MEI4: variants seen among roughly 807,000 people sequenced by gnomAD.
MEI4 encodes the protein meiotic double-stranded break formation protein 4, also known as meiosis-specific protein MEI4.
Under a neutral mutation model 31.4 loss-of-function variants are expected in MEI4, and 27 were observed. The observed-to-expected ratio is 0.86, with a 90% CI of 0.63 to 1.19. The LOEUF (loss-of-function observed/expected upper bound fraction) is 1.19, where lower values mean the gene tolerates loss of function less well. Ranked by LOEUF, MEI4 falls within the 50% of genes most tolerant of loss-of-function variation. MEI4 has a pLI of 0.00. For missense variants in MEI4, 329 were observed against 398.9 expected, an observed-to-expected ratio of 0.82 and a Z score of 1.49; for synonymous variants, 122 against 145.4, an observed-to-expected ratio of 0.84 and a Z score of 1.16.
chr6:77,923,613 C>T lies in MEI4; in HGVS notation c.*267C>T, dbSNP rs1012166616. ...TTATTTCACTCAATATAGTTTAGCT[C>T]TATTATTCTGTAAAATGGACCATTA... On this transcript the variant is annotated 3_prime_UTR_variant, in exon 5 of 5. Coordinates refer to ENST00000684080, the MANE Select transcript of MEI4 (RefSeq NM_001322247.2). The T allele has an allele frequency of 8.9e-6, 2 of 225,104 alleles. No individual in the cohort carries two copies. Among genetic ancestry groups the T allele is most frequent in the African/African-American group, 4.5e-5 (2 of 44,364 alleles). 13.9% of individuals were successfully genotyped at this position (225,104 alleles called of 1,614,324 possible). A position where few individuals can be genotyped will look rare whatever the true frequency, so the allele number is the denominator to read the frequency against.
At chr6:77,856,514 T>G (rs533565221) in intron 4 of MEI4, among the ~76,000 whole-genome samples, 6 of 151,304 alleles carry the variant, frequency 4.0e-5, no homozygotes, top group Non-Finnish European at 8.8e-5. Flanking sequence ...AATTGAGAAA[T>G]GAAGAAGGAA....
At chr6:77,777,748 C>T (rs1033521937) in intron 3 of MEI4, among the ~76,000 whole-genome samples, 1 of 152,104 alleles carries the variant, frequency 6.6e-6, no homozygotes, top group East Asian at 1.9e-4. Context: ...ATCCTGATGA[C>T]AACATGGGGG....
At chr6:77,682,025 G>T (rs1047108564) in intron 1 of MEI4, among the ~76,000 whole-genome samples, 1 of 152,120 alleles carries the variant, frequency 6.6e-6, no homozygotes, top group Non-Finnish European at 1.5e-5. Flanking sequence ...TTTGTCAGAC[G>T]GATCTAATCC....
chr6:77,796,192 C>T (rs1353695702), intron 3 of MEI4, among the ~76,000 whole-genome samples: 1 of 152,074 alleles, frequency 6.6e-6, no homozygotes, highest in Non-Finnish European at 1.5e-5. Context: ...GATACCATCT[C>T]TCAACAAATT....
chr6:77,804,108 G>A (rs191770383), intron 3 of MEI4, among the ~76,000 whole-genome samples: 7 of 152,292 alleles, frequency 4.6e-5, no homozygotes, highest in South Asian at 2.1e-4. Context: ...CTTGAGGTGC[G>A]GTGGGCTCCA....
intron 4 of MEI4, among the ~76,000 whole-genome samples, chr6:77,916,636 T>C (rs986744312): frequency 3.3e-5 from 5 of 152,084 alleles, no homozygotes; most frequent in African/African-American, 7.2e-5. Context: ...TATAGCATCT[T>C]AACCAAAAGA....
At chr6:77,897,520 A>G (rs930758211) in intron 4 of MEI4, among the ~76,000 whole-genome samples, 1 of 151,940 alleles carries the variant, frequency 6.6e-6, no homozygotes, top group Non-Finnish European at 1.5e-5. Flanking sequence ...AAATTGTTAT[A>G]TATATATATC....
At position 77,699,049 on chromosome 6, in the gene MEI4, G is replaced by T. The variant is rs375981139; in HGVS notation, c.232+8146G>T. Among the ~76,000 whole-genome samples, 56 of 152,076 alleles carry T rather than the reference G, an allele frequency of 3.7e-4. No individual in the cohort carries two copies. In the East Asian group the frequency reaches 7.7e-3, roughly 21 times the overall value. ...TCCATCACTGATACCCTTTCTTCCA[G>T]TTGATCGCATCGGCTCCTGAGGCTT... is the stretch of plus-strand genomic sequence containing the variant. On this transcript the variant is annotated intron_variant, in intron 2 of 4. Transcript: ENST00000684080.
chr6:77,858,170 C>A (rs1442095210), intron 4 of MEI4, among the ~76,000 whole-genome samples: 1 of 152,086 alleles, frequency 6.6e-6, no homozygotes, highest in Non-Finnish European at 1.5e-5. Context: ...ATTATATTGG[C>A]TGTAAAGAAG....
intron 3 of MEI4, among the ~76,000 whole-genome samples, chr6:77,799,265 G>T (rs1445200348): frequency 2.6e-5 from 4 of 152,118 alleles, no homozygotes; most frequent in Non-Finnish European, 5.9e-5. Context: ...ATTTTTTCCT[G>T]TGTTTTTTGG....
chr6:77,918,187 G>T (rs74471100), intron 4 of MEI4, among the ~76,000 whole-genome samples: 4 of 151,948 alleles, frequency 2.6e-5, no homozygotes, highest in Non-Finnish European at 5.9e-5. Context: ...AGTATAGTTT[G>T]AAGTCAGGTA....
intron 1 of MEI4, among the ~76,000 whole-genome samples, chr6:77,657,643 C>T (rs1318652211): frequency 6.6e-6 from 1 of 151,964 alleles, no homozygotes; most frequent in Non-Finnish European, 1.5e-5. Context: ...CATTGTTTTC[C>T]AGCTGTCTAC....
At chr6:77,689,939 C>T (rs991419965) in intron 1 of MEI4, among the ~76,000 whole-genome samples, 1 of 151,886 alleles carries the variant, frequency 6.6e-6, no homozygotes, top group Non-Finnish European at 1.5e-5. Flanking sequence ...GATATTAAAG[C>T]AGTGTATGCA....
At chr6:77,872,566 AT>A (rs1177749419) in intron 4 of MEI4, among the ~76,000 whole-genome samples, 8 of 151,736 alleles carry the variant, frequency 5.3e-5, no homozygotes, top group Admixed American at 2.0e-4. Context: ...TTATTTTTTT[AT>A]TTTTTATTTA....
intron 4 of MEI4, among the ~76,000 whole-genome samples, chr6:77,896,057 G>A (rs970887662): frequency 6.6e-6 from 1 of 152,072 alleles, no homozygotes. Flanking sequence ...GTATAAAATA[G>A]GGAAAGTTTC....
intron 4 of MEI4, among the ~76,000 whole-genome samples, chr6:77,920,508 T>C (rs1766678771): frequency 6.6e-6 from 1 of 151,920 alleles, no homozygotes; most frequent in African/African-American, 2.4e-5. Flanking sequence ...AGTCATTCAA[T>C]AATTCTTCCA....
intron 2 of MEI4, among the ~76,000 whole-genome samples, chr6:77,730,660 G>A (rs915693124): frequency 6.6e-6 from 1 of 151,020 alleles, no homozygotes; most frequent in Non-Finnish European, 1.5e-5. Flanking sequence ...AAGTTTTAGG[G>A]TACACGTGCA....
At chr6:77,743,145 C>A (rs1490063878) in intron 2 of MEI4, among the ~76,000 whole-genome samples, 3 of 152,068 alleles carry the variant, frequency 2.0e-5, no homozygotes, top group Non-Finnish European at 4.4e-5. Context: ...TAGTTTTTTC[C>A]AACTCTGTGA....
intron 4 of MEI4, among the ~76,000 whole-genome samples, chr6:77,863,531 G>C (rs973305279): frequency 6.6e-6 from 1 of 151,808 alleles, no homozygotes; most frequent in Non-Finnish European, 1.5e-5. Flanking sequence ...AAAGTTTAGA[G>C]AAAAAAGAAA....
Sources: gnomAD v4.1 joint callset for allele counts (sites outside exome capture counted in the v4.1 genomes callset) on GRCh38, gnomAD v4.1.1 for gene constraint, MANE v1.5 for transcripts, NCBI Gene and HGNC (gene_info 2026-07-23, HGNC 2026-07-21) for gene names.